Variants in TAB2 observed in about 807,000 individuals in gnomAD.
The protein encoded by TAB2 is TGF-beta activated kinase 1 (MAP3K7) binding protein 2, also known as TGF-beta-activated kinase 1 and MAP3K7-binding protein 2.
In TAB2, 3 loss-of-function variants were observed where a neutral mutation model predicts 65.0. That is an observed-to-expected ratio of 0.05 (90% CI 0.02 to 0.12). The LOEUF is 0.12. Among genes scored for constraint, TAB2 ranks in the 10% least tolerant of loss-of-function variants. TAB2 has a pLI of 1.00. For missense variants in TAB2, 623 were observed against 840.3 expected, an observed-to-expected ratio of 0.74 and a Z score of 3.20; for synonymous variants, 298 against 285.1, an observed-to-expected ratio of 1.05 and a Z score of -0.46.
At chr6:149,289,634 C>T (rs76305607) in intron 1 of TAB2, among the ~76,000 whole-genome samples, 4,653 of 152,254 alleles carry the variant, frequency 0.031, 245 homozygotes, top group African/African-American at 0.11. Context: ...GGCCTATGCC[C>T]GGAAACTACA....
chr6:149,284,859 T>G (rs1778641251), intron 1 of TAB2, among the ~76,000 whole-genome samples: 1 of 152,126 alleles, frequency 6.6e-6, no homozygotes, highest in East Asian at 1.9e-4. Context: ...TGAGATTGGT[T>G]AAGTTGAATT....
At chr6:149,310,513 G>A (rs548214249) in intron 1 of TAB2, among the ~76,000 whole-genome samples, 1 of 151,980 alleles carries the variant, frequency 6.6e-6, no homozygotes, top group East Asian at 1.9e-4. Flanking sequence ...TTTCTGAGTA[G>A]TTTGTCTAAT....
At chr6:149,249,073 G>A (rs1039906556) in intron 1 of TAB2, among the ~76,000 whole-genome samples, 1 of 151,660 alleles carries the variant, frequency 6.6e-6, no homozygotes, top group Non-Finnish European at 1.5e-5. Context: ...TAGTTTCAAA[G>A]TTTACTATAC....
At chr6:149,330,650 A>G (rs1486870640) in intron 1 of TAB2, among the ~76,000 whole-genome samples, 2 of 152,146 alleles carry the variant, frequency 1.3e-5, no homozygotes, top group African/African-American at 4.8e-5. Context: ...TGTTGAGTTT[A>G]GAGAGTTCTT....
At chr6:149,349,931 T>G (rs1050879515) in intron 1 of TAB2, among the ~76,000 whole-genome samples, 3 of 151,936 alleles carry the variant, frequency 2.0e-5, no homozygotes, top group Non-Finnish European at 2.9e-5. Flanking sequence ...ATGCATGCAT[T>G]CATTCATTCA....
At chr6:149,303,786 G>A (rs556255766) in intron 1 of TAB2, among the ~76,000 whole-genome samples, 54 of 152,272 alleles carry the variant, frequency 3.5e-4, no homozygotes, top group Non-Finnish European at 1.2e-4. Flanking sequence ...TATTTGCTAT[G>A]CCTACTATGG....
chr6:149,313,866 G>C (rs989086433), upstream of TAB2, among the ~76,000 whole-genome samples: 2 of 152,140 alleles, frequency 1.3e-5, no homozygotes, highest in Non-Finnish European at 2.9e-5. Flanking sequence ...GAGCAGTTCT[G>C]GGAAACATTT....
At chr6:149,366,191 A>G (rs780669181) in intron 1 of TAB2, among the ~76,000 whole-genome samples, 16 of 151,630 alleles carry the variant, frequency 1.1e-4, no homozygotes, top group Non-Finnish European at 1.8e-4. Flanking sequence ...CCATGTAGAG[A>G]CTCTGGATTC....
At chr6:149,303,018 G>A (rs950352982) in intron 1 of TAB2, among the ~76,000 whole-genome samples, 10 of 152,306 alleles carry the variant, frequency 6.6e-5, no homozygotes, top group South Asian at 2.1e-4. Flanking sequence ...TGTGAACTGC[G>A]CATGCAGGGG....
chr6:149,322,125 A>T (rs1231588412), intron 1 of TAB2, among the ~76,000 whole-genome samples: 1 of 152,236 alleles, frequency 6.6e-6, no homozygotes, highest in East Asian at 1.9e-4. Context: ...TTGAGCACTT[A>T]TTATGTGCTA....
intron 1 of TAB2, among the ~76,000 whole-genome samples, chr6:149,271,055 T>A (rs1778353064): frequency 6.6e-6 from 1 of 152,048 alleles, no homozygotes; most frequent in Admixed American, 6.6e-5. Flanking sequence ...TTTTTTCATT[T>A]TGACTTAGTT....
chr6:149,278,654 G>A (rs1208977010), intron 1 of TAB2, among the ~76,000 whole-genome samples: 5 of 152,198 alleles, frequency 3.3e-5, no homozygotes, highest in African/African-American at 9.6e-5. Context: ...AAGATGATGC[G>A]TTTGGGAAAT....
At position 149,348,455 on chromosome 6, in the gene TAB2, C is replaced by T. The variant is rs114049354; in HGVS notation, c.-89-21454C>T. Among the ~76,000 whole-genome samples, 1,143 of 151,836 alleles carry T rather than the reference C, an allele frequency of 7.5e-3. 9 individuals are homozygous for T. The highest frequency in any genetic ancestry group is 0.026 in the African/African-American group (1,096 of 41,406). ...AAGAAAGAAAAAAAAAAACTGTTAG[C>T]ATCATATTGACAACTAAATAGATAG... is the stretch of plus-strand genomic sequence containing the variant. On this transcript the variant is annotated intron_variant, in intron 1 of 6. Transcript: ENST00000637181.
At chr6:149,344,517 A>G (rs955504233) in intron 1 of TAB2, among the ~76,000 whole-genome samples, 3 of 152,216 alleles carry the variant, frequency 2.0e-5, no homozygotes, top group East Asian at 3.8e-4. Context: ...AGTATTTAAT[A>G]TATTATAGAA....
chr6:149,270,379 C>A (rs9404023), intron 1 of TAB2, among the ~76,000 whole-genome samples: 24,465 of 152,020 alleles, frequency 0.16, 2,109 homozygotes, highest in East Asian at 0.23. Flanking sequence ...CAGTCTGTGG[C>A]TTTTCATTTT....
chr6:149,400,383 G>A (rs752973932), intron 6 of TAB2: 12 of 1,613,454 alleles, frequency 7.4e-6, no homozygotes, highest in Non-Finnish European at 9.3e-6. Flanking sequence ...GGAGACTCCG[G>A]TGTTCACCAT....
intron 1 of TAB2, among the ~76,000 whole-genome samples, chr6:149,345,760 TTAATA>T (rs1346808703): frequency 6.6e-6 from 1 of 152,212 alleles, no homozygotes; most frequent in Non-Finnish European, 1.5e-5. Flanking sequence ...TAAAAGCTTT[TTAATA>T]TAATGCATCT....
At chr6:149,300,788 G>T (rs754506389) in intron 1 of TAB2, among the ~76,000 whole-genome samples, 8 of 152,246 alleles carry the variant, frequency 5.3e-5, no homozygotes, top group South Asian at 4.1e-4. Flanking sequence ...GAGAGCACTG[G>T]GGGGGTGAAA....
intron 1 of TAB2, among the ~76,000 whole-genome samples, chr6:149,343,487 G>A (rs1391269753): frequency 6.6e-6 from 1 of 150,694 alleles, no homozygotes; most frequent in African/African-American, 2.4e-5. Flanking sequence ...AAAAAAAAAA[G>A]GTTAATATAT....
Sources: allele counts gnomAD v4.1 joint callset (sites outside exome capture counted in the v4.1 genomes callset), GRCh38; gene constraint gnomAD v4.1.1; transcripts MANE v1.5; gene names NCBI Gene and HGNC (gene_info 2026-07-23, HGNC 2026-07-21).